Variants in FAM78B observed in about 807,000 individuals in gnomAD.
The protein encoded by FAM78B is protein FAM78B.
FAM78B carries 10 observed loss-of-function variants against 20.0 expected under a neutral mutation model. The observed-to-expected ratio is 0.50, with a 90% CI of 0.31 to 0.85. The LOEUF is 0.85. Among genes scored for constraint, FAM78B ranks in the 40% least tolerant of loss-of-function variants. The probability of loss-of-function intolerance (pLI) is 0.05; values close to 1 mark genes in which losing one functional copy is unlikely to be tolerated. For synonymous variants in FAM78B, 135 were observed against 132.8 expected, an observed-to-expected ratio of 1.02 and a Z score of -0.12; for missense variants, 283 against 345.0, an observed-to-expected ratio of 0.82 and a Z score of 1.42.
chr1:166,156,073 C>T (rs943458784), intron 1 of FAM78B, among the ~76,000 whole-genome samples: 32 of 152,346 alleles, frequency 2.1e-4, no homozygotes, highest in African/African-American at 7.2e-4. Flanking sequence ...CTAACAGCCT[C>T]TGAGAGCCTG....
chr1:166,124,451 C>T (rs1208080006), intron 1 of FAM78B, among the ~76,000 whole-genome samples: 2 of 152,232 alleles, frequency 1.3e-5, no homozygotes, highest in African/African-American at 4.8e-5. Flanking sequence ...AATTCACTTG[C>T]TCCCATAACA....
intron 1 of FAM78B, among the ~76,000 whole-genome samples, chr1:166,140,722 G>C (rs934566493): frequency 1.3e-5 from 2 of 152,198 alleles, no homozygotes; most frequent in Non-Finnish European, 2.9e-5. Context: ...GAAAACACTT[G>C]AGGCAAAATA....
At position 166,069,623 on chromosome 1, in the gene FAM78B, C is replaced by T. The variant is rs147997523; in HGVS notation, c.*618G>A. ...AGCACCTTGGACAGTTCCAAGGAGG[C>T]TTTCTCCCTCAGAAAGGAGCAAATA... On this transcript the variant is annotated 3_prime_UTR_variant, in exon 2 of 2. Transcript: ENST00000354422. 2.6e-5 allele frequency: 4 copies of T among 152,340 alleles called. No individual in the cohort carries two copies. In the East Asian group the frequency reaches 7.7e-4, roughly 29 times the overall value. 9.4% of individuals were successfully genotyped at this position (152,340 alleles called of 1,614,324 possible).
At chr1:166,140,400 G>A (rs1236212472) in intron 1 of FAM78B, among the ~76,000 whole-genome samples, 1 of 152,194 alleles carries the variant, frequency 6.6e-6, no homozygotes, top group Non-Finnish European at 1.5e-5. Context: ...ATATTGTTGG[G>A]GGCCAGAAAC....
Position 166,115,458 on chromosome 1 carries a change from T to G in FAM78B, c.264-44695A>C, listed in dbSNP as rs181942911. Among the ~76,000 whole-genome samples the G allele has an allele frequency of 7.9e-5, 12 of 152,144 alleles. No homozygotes were observed. In the East Asian group the frequency reaches 2.1e-3, roughly 27 times the overall value. On this transcript the variant is annotated intron_variant, in intron 1 of 1. Transcript: ENST00000354422. ...TGCATCTGAGCTCCACTTGGGAAGG[T>G]AGGTAGGGGTGAGGTCAAAGAGGTA...
At chr1:166,109,866 G>T (rs56097111) in intron 1 of FAM78B, among the ~76,000 whole-genome samples, 1 of 17,158 alleles carries the variant, frequency 5.8e-5, no homozygotes, top group Non-Finnish European at 1.2e-4. Flanking sequence ...ATATATGTAT[G>T]TGTATATATA....
chr1:166,127,957 T>C (rs549866286), intron 1 of FAM78B, among the ~76,000 whole-genome samples: 19 of 152,314 alleles, frequency 1.2e-4, no homozygotes, highest in African/African-American at 3.8e-4. Context: ...ATATAAAACA[T>C]AGAGCCACCA....
At position 166,166,440 on chromosome 1, in the gene FAM78B, G is replaced by A. The variant is rs953877078; in HGVS notation, c.-192C>T. 1.4e-5 allele frequency: 4 copies of A among 295,210 alleles called. No homozygotes were observed. The highest frequency in any genetic ancestry group is 6.8e-5 in the African/African-American group (3 of 43,916). 18.3% of individuals were successfully genotyped at this position (295,210 alleles called of 1,614,324 possible). On this transcript the variant is annotated 5_prime_UTR_variant, in exon 1 of 2. Transcript: ENST00000354422. ...CCTCTTGCAGCCGCGCGGGGTCCCCGCTGCCCCGACGTCCGCCCACGCCCG... is the reference window on the plus strand; with the variant it reads ...CCTCTTGCAGCCGCGCGGGGTCCCCACTGCCCCGACGTCCGCCCACGCCCG...
At chr1:166,143,128 C>G (rs561035259) in intron 1 of FAM78B, among the ~76,000 whole-genome samples, 3 of 152,158 alleles carry the variant, frequency 2.0e-5, no homozygotes, top group South Asian at 4.2e-4. Flanking sequence ...TGACAGTACC[C>G]AATATAGGGT....
chr1:166,086,240 G>C (rs918404747), intron 1 of FAM78B, among the ~76,000 whole-genome samples: 5 of 152,134 alleles, frequency 3.3e-5, no homozygotes. Flanking sequence ...TTTGCAGCCA[G>C]TACTGACCCA....
rs769994934 is a variant in FAM78B at position 166,070,580 on chromosome 1, T to C, written c.447A>G (p.Ala149=). Residue 149 remains alanine (A), a synonymous_variant, in exon 2 of 2, where the codon GCA becomes GCG. Coordinates refer to ENST00000354422, the MANE Select transcript of FAM78B (RefSeq NM_001017961.5). The part of the protein sequence containing the change: ...NDNFYPSVTW[A]VPVSDSNVPL... ...GCACATTGCTGTCACTCACAGGCAC[T>C]GCCCATGTCACACTGGGGTAGAAGT... 14 of 1,613,760 alleles carry C rather than the reference T, an allele frequency of 8.7e-6. No homozygotes were observed. Among genetic ancestry groups the C allele is most frequent in the Non-Finnish European group, 1.2e-5 (14 of 1,179,992 alleles).
At chr1:166,152,509 T>C (rs771028803) in intron 1 of FAM78B, among the ~76,000 whole-genome samples, 1 of 152,092 alleles carries the variant, frequency 6.6e-6, no homozygotes, top group Non-Finnish European at 1.5e-5. Context: ...AACCATGTGC[T>C]TAAGCTTCTT....
At chr1:166,093,350 T>A (rs1039339177) in intron 1 of FAM78B, among the ~76,000 whole-genome samples, 13 of 152,110 alleles carry the variant, frequency 8.5e-5, no homozygotes, top group Non-Finnish European at 1.3e-4. Flanking sequence ...TGATTTTAAA[T>A]CCTCATCTCC....
chr1:166,154,135 G>T (rs1216090019), intron 1 of FAM78B, among the ~76,000 whole-genome samples: 1 of 152,204 alleles, frequency 6.6e-6, no homozygotes, highest in Non-Finnish European at 1.5e-5. Flanking sequence ...TCAGGGGAGG[G>T]CCCCTGGCCC....
chr1:166,072,302 G>A (rs1325819030), intron 1 of FAM78B, among the ~76,000 whole-genome samples: 1 of 152,178 alleles, frequency 6.6e-6, no homozygotes, highest in African/African-American at 2.4e-5. Context: ...GGGAGGGCTT[G>A]GCTGCCTGGG....
At chr1:166,109,848 A>ATGTG (rs1557903168) in intron 1 of FAM78B, among the ~76,000 whole-genome samples, 4 of 28,440 alleles carry the variant, frequency 1.4e-4, no homozygotes, top group African/African-American at 2.7e-4. Context: ...ATGTATATAT[A>ATGTG]TATATATATA....
chr1:166,106,325 T>C (rs1008610523), intron 1 of FAM78B, among the ~76,000 whole-genome samples: 1 of 150,222 alleles, frequency 6.7e-6, no homozygotes, highest in African/African-American at 2.4e-5. Flanking sequence ...CTGCACATTG[T>C]GCACATGTAC....
intron 1 of FAM78B, among the ~76,000 whole-genome samples, chr1:166,093,772 G>A (rs1653166523): frequency 6.6e-6 from 1 of 150,902 alleles, no homozygotes; most frequent in Admixed American, 6.6e-5. Context: ...TTTAAAGAAA[G>A]CAATAAAATT....
intron 1 of FAM78B, among the ~76,000 whole-genome samples, chr1:166,105,514 A>T (rs1329250084): frequency 6.6e-6 from 1 of 152,192 alleles, no homozygotes; most frequent in African/African-American, 2.4e-5. Context: ...TACAAGAAAA[A>T]AGCAAACAAC....
Sources: allele counts gnomAD v4.1 joint callset (sites outside exome capture counted in the v4.1 genomes callset), GRCh38; gene constraint gnomAD v4.1.1; transcripts MANE v1.5; gene names NCBI Gene and HGNC (gene_info 2026-07-23, HGNC 2026-07-21).